CALU: variants seen among roughly 807,000 people sequenced by gnomAD.
The protein encoded by CALU is calumenin, also known as IEF SSP 9302.
CALU carries 13 observed loss-of-function variants against 37.5 expected under a neutral mutation model. The ratio of observed to expected loss-of-function variants is 0.35; its 90% confidence interval spans 0.23 to 0.55. CALU has a LOEUF of 0.55. CALU is among the 20% of genes least tolerant of loss of function. CALU has a pLI of 0.89. For synonymous variants in CALU, 114 were observed against 133.8 expected, an observed-to-expected ratio of 0.85 and a Z score of 1.02; for missense variants, 282 against 391.7, an observed-to-expected ratio of 0.72 and a Z score of 2.36.
rs753501278 is a variant in CALU, at chr7:128,748,751, A to G, written c.168A>G (p.Glu56=). The G allele has an allele frequency of 1.9e-6, 3 of 1,614,238 alleles. No individual in the cohort carries two copies. Among genetic ancestry groups the G allele is most frequent in the Non-Finnish European group, 2.5e-6 (3 of 1,180,040 alleles). Residue 56 remains glutamate (E), a synonymous_variant, in exon 2 of 7, where the codon GAA becomes GAG. Coordinates refer to ENST00000249364, the MANE Select transcript of CALU (RefSeq NM_001219.5). The part of the protein sequence containing the change: ...DYDHDAFLGA[E]EAKTFDQLTP... ...ACCATGATGCCTTCTTGGGTGCTGAAGAAGCAAAGACCTTTGATCAGCTGA... is the reference window on the plus strand; with the variant it reads ...ACCATGATGCCTTCTTGGGTGCTGAGGAAGCAAAGACCTTTGATCAGCTGA...
intron 5 of CALU, 117 bp from the exon 6 acceptor site, chr7:128,767,339 G>A (rs1230588151): frequency 1.3e-6 from 1 of 769,776 alleles, no homozygotes. Flanking sequence ...AAATACCCTT[G>A]TAGCTGCTGT....
At chr7:128,745,440 A>AT (rs200876034) in intron 1 of CALU, among the ~76,000 whole-genome samples, 52 of 147,308 alleles carry the variant, frequency 3.5e-4, no homozygotes, top group South Asian at 8.6e-4. Context: ...ACTCTACAAC[A>AT]TTTTTTTTTT....
At chr7:128,767,689 G>A (rs1445531836) in intron 6 of CALU, 34 bp downstream of exon 6, 44 of 1,544,984 alleles carry the variant, frequency 2.8e-5, no homozygotes, top group African/African-American at 4.1e-5. Context: ...CTCTATCCTT[G>A]ATTGAAGTAT....
Position 128,769,238 on chromosome 7 carries a change from T to G in CALU, c.*71T>G, listed in dbSNP as rs1801462386. ...GCTTCTGGTTTCACATGAAATTGTT[T>G]GCGCTACTGAGACTGTTACTACAAA... On this transcript the variant is annotated 3_prime_UTR_variant, in exon 7 of 7. Transcript: ENST00000249364. 1.2e-6 allele frequency: 1 copy of G among 827,636 alleles called. No homozygotes were observed. The highest frequency in any genetic ancestry group is 2.0e-6 in the Non-Finnish European group (1 of 507,504). The allele number at this position is 827,636 out of a possible 1,614,324, so 51.3% of individuals were successfully genotyped here. A position where few individuals can be genotyped will look rare whatever the true frequency, so the allele number is the denominator to read the frequency against.
intron 5 of CALU, among the ~76,000 whole-genome samples, chr7:128,766,601 G>A (rs1462135325): frequency 6.6e-6 from 1 of 151,332 alleles, no homozygotes; most frequent in African/African-American, 2.4e-5. Flanking sequence ...GCTAATTTTT[G>A]TATTTTTAGT....
chr7:128,741,798 T>C (rs1357369811), intron 1 of CALU, among the ~76,000 whole-genome samples: 1 of 152,248 alleles, frequency 6.6e-6, no homozygotes, highest in South Asian at 2.1e-4. Context: ...CAATTGATTA[T>C]GTATTAAGGC....
chr7:128,772,453 G>T lies in CALU; in HGVS notation c.*3286G>T. Reference sequence around the variant, plus strand: ...TTTTACCATCTTTTTTGTGTTTTTAGTAGTTTGGTTTCTGACGGAGACAAT... The same window carrying T: ...TTTTACCATCTTTTTTGTGTTTTTATTAGTTTGGTTTCTGACGGAGACAAT... On this transcript the variant is annotated 3_prime_UTR_variant, in exon 7 of 7. Coordinates refer to ENST00000249364, the MANE Select transcript of CALU (RefSeq NM_001219.5). The T allele has an allele frequency of 1.3e-6, 2 of 1,517,608 alleles. No individual in the cohort carries two copies. Among genetic ancestry groups the T allele is most frequent in the Non-Finnish European group, 1.8e-6 (2 of 1,098,858 alleles). The allele number at this position is 1,517,608 out of a possible 1,614,324, so 94.0% of individuals were successfully genotyped here.
At chr7:128,762,405 A>C (rs1362822630) in intron 5 of CALU, among the ~76,000 whole-genome samples, 3 of 150,364 alleles carry the variant, frequency 2.0e-5, no homozygotes, top group East Asian at 3.9e-4. Flanking sequence ...TAACTAATGC[A>C]AACACTTTTA....
At chr7:128,765,401 T>C (rs1037083819) in intron 5 of CALU, among the ~76,000 whole-genome samples, 1 of 152,126 alleles carries the variant, frequency 6.6e-6, no homozygotes, top group Non-Finnish European at 1.5e-5. Context: ...TTGTATTTCT[T>C]GTAGGGATTT....
At chr7:128,759,966 C>T (rs1420641297) in intron 5 of CALU, 114 bp downstream of exon 5, 4 of 643,772 alleles carry the variant, frequency 6.2e-6, no homozygotes, top group Admixed American at 2.3e-5. Flanking sequence ...GAGGCCGAGG[C>T]GGGCAGATCA....
chr7:128,759,095 T>G, intron 4 of CALU, 58 bp downstream of exon 4: 1 of 1,395,812 alleles, frequency 7.2e-7, no homozygotes, highest in Non-Finnish European at 1.0e-6. Context: ...TGGCTTATTC[T>G]GTCTTTCCCC....
chr7:128,745,343 G>C (rs973701826), intron 1 of CALU, among the ~76,000 whole-genome samples: 14 of 152,110 alleles, frequency 9.2e-5, no homozygotes, highest in African/African-American at 1.2e-4. Flanking sequence ...TTATAGGCTG[G>C]GTATGGTGGC....
rs763113986 is a variant in CALU at position 128,772,063 on chromosome 7, GT to G, written c.*2907del. Among the ~76,000 whole-genome samples, 22 of 66,640 alleles carry G rather than the reference GT, an allele frequency of 3.3e-4. No homozygotes were observed. Among genetic ancestry groups the G allele is most frequent in the African/African-American group, 6.6e-4 (15 of 22,796 alleles). 43.7% of individuals were successfully genotyped at this position (66,640 alleles called of 152,430 possible). On this transcript the variant is annotated 3_prime_UTR_variant, in exon 7 of 7. Coordinates refer to ENST00000249364, the MANE Select transcript of CALU (RefSeq NM_001219.5). ...TATTTGGGGCCACTGAGTTTTTTTTGTTTTTTTTTTTGTTTTGTTTTGTTTT... is the reference window on the plus strand; with the variant it reads ...TATTTGGGGCCACTGAGTTTTTTTTGTTTTTTTTTTGTTTTGTTTTGTTTT...
intron 1 of CALU, among the ~76,000 whole-genome samples, chr7:128,743,106 T>C (rs1172419286): frequency 1.3e-5 from 2 of 152,110 alleles, no homozygotes; most frequent in Admixed American, 1.3e-4. Flanking sequence ...TTCAAGTGCT[T>C]AGTAGTCACA....
chr7:128,748,464 T>C, intron 1 of CALU, 109 bp from the exon 2 acceptor site: 2 of 1,155,112 alleles, frequency 1.7e-6, no homozygotes, highest in Non-Finnish European at 2.4e-6. Context: ...AAGACTTGCA[T>C]AGATATGTAT....
chr7:128,743,016 TTAATC>T (rs1420091449), intron 1 of CALU, among the ~76,000 whole-genome samples: 2 of 152,344 alleles, frequency 1.3e-5, no homozygotes, highest in Non-Finnish European at 2.9e-5. Flanking sequence ...TTAATAATGT[TTAATC>T]TAATACATAT....
intron 1 of CALU, among the ~76,000 whole-genome samples, chr7:128,740,383 A>G (rs1010041715): frequency 2.6e-5 from 4 of 152,206 alleles, no homozygotes; most frequent in Non-Finnish European, 4.4e-5. Flanking sequence ...GGTGGCTTCT[A>G]GTTGTTTTTT....
Position 128,769,611 on chromosome 7 carries a change from A to G in CALU, c.*444A>G, listed in dbSNP as rs1801480446. ...TCAGGAGAGAGGAAAGAAAAAAAAT[A>G]TATGCTCCACAATTTATATTTAGAG... On this transcript the variant is annotated 3_prime_UTR_variant, in exon 7 of 7. Transcript: ENST00000249364. The G allele has an allele frequency of 6.5e-6, 1 of 153,094 alleles. No individual in the cohort carries two copies. The highest frequency in any genetic ancestry group is 6.5e-5 in the Admixed American group (1 of 15,398). The allele number at this position is 153,094 out of a possible 1,614,324, so 9.5% of individuals were successfully genotyped here.
intron 2 of CALU, among the ~76,000 whole-genome samples, chr7:128,750,181 T>G (rs1800609968): frequency 7.5e-6 from 1 of 132,768 alleles, no homozygotes; most frequent in Non-Finnish European, 1.5e-5. Context: ...TGAGCCGAGA[T>G]CACGCCACTG....
Sources: gnomAD v4.1 joint callset for allele counts (sites outside exome capture counted in the v4.1 genomes callset) on GRCh38, gnomAD v4.1.1 for gene constraint, MANE v1.5 for transcripts, NCBI Gene and HGNC (gene_info 2026-07-23, HGNC 2026-07-21) for gene names.